The following NDUFS4 variants were observed in gnomAD, a reference collection of about 807,000 sequenced individuals.
The protein encoded by NDUFS4 is NADH:ubiquinone oxidoreductase subunit S4.
A neutral mutation model predicts 24.3 loss-of-function variants in NDUFS4; 28 were observed. The observed-to-expected ratio is 1.15, with a 90% CI of 0.85 to 1.58. The LOEUF (loss-of-function observed/expected upper bound fraction) is 1.58. Among genes scored for constraint, NDUFS4 ranks in the 40% most tolerant of loss-of-function variants. The pLI, the probability that NDUFS4 is intolerant of heterozygous loss-of-function variation, is 0.00. For synonymous variants in NDUFS4, 93 were observed against 69.7 expected (o/e 1.34, Z -1.67); for missense variants, 223 against 207.9 (o/e 1.07, Z -0.45).
chr5:53,581,389 A>G (rs1749564062), intron 1 of NDUFS4, among the ~76,000 whole-genome samples: 1 of 152,004 alleles, frequency 6.6e-6, no homozygotes, highest in Non-Finnish European at 1.5e-5. Flanking sequence ...AAAAGTCTAA[A>G]CTTCCCAGCA....
At chr5:53,604,950 G>A (rs772386780) in intron 2 of NDUFS4, 56 of 447,002 alleles carry the variant, frequency 1.3e-4, no homozygotes, top group African/African-American at 2.0e-4. Flanking sequence ...GGCAGGGCAT[G>A]GTGGCTCATG....
At chr5:53,652,877 A>G (rs1411146346) in intron 3 of NDUFS4, among the ~76,000 whole-genome samples, 1 of 151,722 alleles carries the variant, frequency 6.6e-6, no homozygotes, top group African/African-American at 2.4e-5. Context: ...GGGAGACAGC[A>G]TGACTTATCC....
chr5:53,654,898 G>T (rs1215972751), intron 3 of NDUFS4, among the ~76,000 whole-genome samples: 2 of 152,152 alleles, frequency 1.3e-5, no homozygotes, highest in African/African-American at 4.8e-5. Flanking sequence ...AGCAGAAAAT[G>T]ATCATTGAAA....
chr5:53,620,728 C>T (rs2112477738), intron 2 of NDUFS4, among the ~76,000 whole-genome samples: 2 of 152,306 alleles, frequency 1.3e-5, no homozygotes, highest in Middle Eastern at 6.8e-3. Flanking sequence ...ACATCATCCT[C>T]TGAAATATCT....
intron 1 of NDUFS4, among the ~76,000 whole-genome samples, chr5:53,566,472 G>A (rs1385253148): frequency 6.6e-6 from 1 of 152,134 alleles, no homozygotes; most frequent in East Asian, 1.9e-4. Context: ...GTTTCCCACA[G>A]TAATCCTATC....
chr5:53,623,577 G>A (rs745791866), intron 2 of NDUFS4, among the ~76,000 whole-genome samples: 1 of 152,072 alleles, frequency 6.6e-6, no homozygotes, highest in Non-Finnish European at 1.5e-5. Flanking sequence ...TGATTTATCT[G>A]TATTTTTTTG....
chr5:53,577,764 G>A (rs1419242539), intron 1 of NDUFS4, among the ~76,000 whole-genome samples: 1 of 152,078 alleles, frequency 6.6e-6, no homozygotes, highest in Non-Finnish European at 1.5e-5. Flanking sequence ...ATAATCTCAT[G>A]GGAAGAGATA....
At chr5:53,658,443 C>T (rs1037660681) in intron 3 of NDUFS4, 108 bp from the exon 4 acceptor site, 23 of 721,960 alleles carry the variant, frequency 3.2e-5, no homozygotes, top group Non-Finnish European at 5.1e-5. Flanking sequence ...AATATTCCAT[C>T]AATAATGTAC....
intron 1 of NDUFS4, among the ~76,000 whole-genome samples, chr5:53,585,015 A>G (rs970474185): frequency 1.3e-5 from 2 of 152,144 alleles, no homozygotes; most frequent in African/African-American, 4.8e-5. Flanking sequence ...TGATCTACCC[A>G]CCTCAGAAAA....
intron 2 of NDUFS4, among the ~76,000 whole-genome samples, chr5:53,617,358 A>G (rs1750872498): frequency 6.6e-6 from 1 of 152,034 alleles, no homozygotes; most frequent in Non-Finnish European, 1.5e-5. Flanking sequence ...TCTTTTGCTG[A>G]CTATGTAGCT....
intron 1 of NDUFS4, among the ~76,000 whole-genome samples, chr5:53,573,042 T>C (rs1749266684): frequency 6.6e-6 from 1 of 150,720 alleles, no homozygotes; most frequent in Non-Finnish European, 1.5e-5. Context: ...TGATAATGGC[T>C]TACTGCAGCC....
intron 1 of NDUFS4, among the ~76,000 whole-genome samples, chr5:53,573,051 C>T (rs1579822576): frequency 6.7e-6 from 1 of 149,352 alleles, no homozygotes; most frequent in African/African-American, 2.5e-5. Flanking sequence ...CTTACTGCAG[C>T]CTTGACTTCC....
At chr5:53,664,633 G>A (rs1752455864) in intron 4 of NDUFS4, among the ~76,000 whole-genome samples, 1 of 152,140 alleles carries the variant, frequency 6.6e-6, no homozygotes, top group African/African-American at 2.4e-5. Context: ...CGGCTACTGA[G>A]GCTTGTGTAT....
intron 2 of NDUFS4, among the ~76,000 whole-genome samples, chr5:53,635,860 T>C (rs1751536847): frequency 6.6e-6 from 1 of 151,164 alleles, no homozygotes; most frequent in African/African-American, 2.4e-5. Flanking sequence ...TTGTATCTTA[T>C]ATCATTTTTC....
intron 2 of NDUFS4, among the ~76,000 whole-genome samples, chr5:53,637,988 G>T (rs1477288172): frequency 6.6e-6 from 1 of 152,008 alleles, no homozygotes; most frequent in Non-Finnish European, 1.5e-5. Context: ...AAATGGCCGT[G>T]GTTAAAAGTC....
intron 4 of NDUFS4, 146 bp from the exon 5 acceptor site, chr5:53,682,968 TAGTA>T (rs773776612): frequency 6.6e-5 from 47 of 710,916 alleles, no homozygotes; most frequent in South Asian, 3.5e-4. Context: ...AGGGAACAAA[TAGTA>T]AGTATATCTC....
chr5:53,659,762 T>A (rs1242657284), intron 4 of NDUFS4, among the ~76,000 whole-genome samples: 1 of 152,170 alleles, frequency 6.6e-6, no homozygotes, highest in Non-Finnish European at 1.5e-5. Flanking sequence ...AAGGTTATAA[T>A]CTAACATATT....
chr5:53,592,579 A>G (rs972296531), intron 1 of NDUFS4, among the ~76,000 whole-genome samples: 1 of 152,148 alleles, frequency 6.6e-6, no homozygotes, highest in Non-Finnish European at 1.5e-5. Flanking sequence ...TGAAAGGTGT[A>G]ATGTCACTGT....
intron 1 of NDUFS4, among the ~76,000 whole-genome samples, chr5:53,599,171 T>C (rs1750231621): frequency 6.6e-6 from 1 of 152,134 alleles, no homozygotes; most frequent in Non-Finnish European, 1.5e-5. Context: ...CAGTAAAATA[T>C]GATTATTAAT....
Sources: gnomAD v4.1 joint callset for allele counts (sites outside exome capture counted in the v4.1 genomes callset) on GRCh38, gnomAD v4.1.1 for gene constraint, MANE v1.5 for transcripts, NCBI Gene and HGNC (gene_info 2026-07-23, HGNC 2026-07-21) for gene names.